KCNC3: variants seen among roughly 807,000 people sequenced by gnomAD.
The protein encoded by KCNC3 is potassium voltage-gated channel subfamily C member 3, also known as voltage-gated potassium channel KCNC3.
In KCNC3, 22 loss-of-function variants were observed where a neutral mutation model predicts 43.9. The observed-to-expected ratio is 0.50, with a 90% CI of 0.36 to 0.72. KCNC3 has a LOEUF of 0.72. KCNC3 is among the 30% of genes least tolerant of loss of function. The probability of loss-of-function intolerance (pLI) is 0.00; values close to 1 mark genes in which losing one functional copy is unlikely to be tolerated. For synonymous variants in KCNC3, 492 were observed against 488.0 expected, an observed-to-expected ratio of 1.01 and a Z score of -0.11; for missense variants, 829 against 1,073.8, an observed-to-expected ratio of 0.77 and a Z score of 3.19.
At chr19:50,327,789 G>A (rs903088607) in intron 1 of KCNC3, among the ~76,000 whole-genome samples, 2 of 151,972 alleles carry the variant, frequency 1.3e-5, no homozygotes, top group African/African-American at 4.8e-5. Flanking sequence ...AAGAAACCAA[G>A]GGCTGGACGG....
chr19:50,332,277 T>A (rs2037197638), upstream of KCNC3, among the ~76,000 whole-genome samples: 1 of 152,172 alleles, frequency 6.6e-6, no homozygotes. This position sits in a 1 kb window ranked among gnomAD's most constrained non-coding sequence, Gnocchi z 5.8. Flanking sequence ...CCCTCAACCC[T>A]GCTTTTCCCT....
intron 1 of KCNC3, among the ~76,000 whole-genome samples, chr19:50,326,108 T>C (rs55923762): frequency 0.42 from 64,348 of 151,960 alleles, 15,878 homozygotes; most frequent in Non-Finnish European, 0.57. Flanking sequence ...CCCTCCACTT[T>C]GCTTTGGCCT....
chr19:50,329,833 C>T (rs566468611), upstream of KCNC3: 1 of 152,254 alleles, frequency 6.6e-6, no homozygotes, highest in Admixed American at 6.5e-5. Context: ...TCCTGGAAAC[C>T]CGAGAGGGTC....
Position 50,323,287 on chromosome 19 carries a change from G to A in KCNC3, c.1666C>T (p.Pro556Ser). ...YSLAMAKQKLPKKKNKHIPRP... is the reference protein window; with the variant it reads ...YSLAMAKQKLSKKKNKHIPRP... The stretch of plus-strand genomic sequence containing the variant: ...GGGATGTGTTTGTTCTTCTTCTTGG[G>A]CAGCTTCTGCTTGGCCATGGCCAGC... Residue 556 changes from proline (P) to serine (S), a missense_variant, in exon 2 of 5, where the codon CCC (proline) becomes TCC (serine). Around this residue, in one of 7 missense-constraint regions of KCNC3, gnomAD observed 308 missense variants for 276.2 expected, o/e 1.11. Coordinates refer to ENST00000477616, the MANE Select transcript of KCNC3 (RefSeq NM_004977.3). The A allele has an allele frequency of 6.2e-7, 1 of 1,609,650 alleles. No individual in the cohort carries two copies. The highest frequency in any genetic ancestry group is 8.5e-7 in the Non-Finnish European group (1 of 1,179,988).
intron 2 of KCNC3, among the ~76,000 whole-genome samples, chr19:50,321,470 A>C (rs2037032988): frequency 1.3e-5 from 2 of 151,946 alleles, no homozygotes; most frequent in African/African-American, 4.8e-5. Flanking sequence ...GTCTCCAAAA[A>C]AGATAAAAGA....
In KCNC3 at chr19:50,315,178, A is replaced by AAGGACG. The variant is rs984705178; in HGVS notation, c.*931_*936dup. On this transcript the variant is annotated 3_prime_UTR_variant, in exon 5 of 5. Coordinates refer to ENST00000477616, the MANE Select transcript of KCNC3 (RefSeq NM_004977.3). ...CAGAGTCAGGCAGACAGAGACACAA[A>AAGGACG]AGGACGGATGACAAGAGACAGATGG... Among the ~76,000 whole-genome samples, 1 of 152,022 alleles carries AAGGACG rather than the reference A, an allele frequency of 6.6e-6. No homozygotes were observed. The highest frequency in any genetic ancestry group is 6.5e-5 in the Admixed American group (1 of 15,274).
In KCNC3 at chr19:50,323,241, G is replaced by A. The variant is rs759607995; in HGVS notation, c.1712C>T (p.Ser571Leu). 9 of 1,592,384 alleles carry A rather than the reference G, an allele frequency of 5.7e-6. No homozygotes were observed. Among genetic ancestry groups the A allele is most frequent in the South Asian group, 2.2e-5 (2 of 89,968 alleles). Residue 571 changes from serine (S) to leucine (L), a missense_variant, in exon 2 of 5, where the codon TCG becomes TTG. Transcript: ENST00000477616. ...KHIPRPPQPGSPNYCKPDPPP... is the reference protein window; with the variant it reads ...KHIPRPPQPGLPNYCKPDPPP... ...TGGGTCAGGCTTGCAGTAGTTGGGC[G>A]AGCCCGGTTGCGGGGGCCGGGGGAT...
In KCNC3 at chr19:50,312,293, C is replaced by T. The variant is rs1042150123; in HGVS notation, c.*3822G>A. 9.8e-6 allele frequency: 1 copy of T among 101,760 alleles called. No individual in the cohort carries two copies. The highest frequency in any genetic ancestry group is 2.3e-5 in the Non-Finnish European group (1 of 44,428). The allele number at this position is 101,760 out of a possible 1,614,324, so 6.3% of individuals were successfully genotyped here. A position where few individuals can be genotyped will look rare whatever the true frequency, so the allele number is the denominator to read the frequency against. On this transcript the variant is annotated 3_prime_UTR_variant, in exon 5 of 5. Transcript: ENST00000477616. The stretch of plus-strand genomic sequence containing the variant: ...CCCGCCCACATTTGAGTGAGAGAAA[C>T]TTATTGCTCTGTGTGTGTGTGTGTG...
In KCNC3 at chr19:50,328,323, C is replaced by A; in HGVS notation, c.760G>T (p.Ala254Ser). The part of the protein sequence containing the change: ...RLCFQDAGGG[A>S]GGPPGGAGGA... ...CCCGCGCCCCCTGGCGGCCCCCCGGCGCCGCCGCCCGCGTCCTGGAAGCAG... is the reference window on the plus strand; with the variant it reads ...CCCGCGCCCCCTGGCGGCCCCCCGGAGCCGCCGCCCGCGTCCTGGAAGCAG... Residue 254 changes from alanine to serine, a missense_variant, in exon 1 of 5, where the codon GCC becomes TCC. By Grantham distance (99) the Ala-to-Ser change is moderately conservative. Coordinates refer to ENST00000477616, the MANE Select transcript of KCNC3 (RefSeq NM_004977.3). The A allele has an allele frequency of 8.8e-7, 1 of 1,132,108 alleles. No individual in the cohort carries two copies. The highest frequency in any genetic ancestry group is 1.1e-6 in the Non-Finnish European group (1 of 927,410). The allele number at this position is 1,132,108 out of a possible 1,614,324, so 70.1% of individuals were successfully genotyped here.
At chr19:50,321,356 T>C (rs879316003) in intron 2 of KCNC3, among the ~76,000 whole-genome samples, 3 of 152,158 alleles carry the variant, frequency 2.0e-5, no homozygotes, top group Non-Finnish European at 4.4e-5. Flanking sequence ...TAGTCCCAGC[T>C]ACTCTGCAGG....
At chr19:50,332,466 A>G (rs2037199305), upstream of KCNC3, among the ~76,000 whole-genome samples, 1 of 152,148 alleles carries the variant, frequency 6.6e-6, no homozygotes, top group African/African-American at 2.4e-5. This position sits in a 1 kb window ranked among gnomAD's most constrained non-coding sequence, Gnocchi z 5.8. Flanking sequence ...GGCCGGGAGT[A>G]GCAGGCTGGT....
upstream of KCNC3, among the ~76,000 whole-genome samples, chr19:50,331,383 C>T (rs1236629871): frequency 1.3e-5 from 2 of 151,082 alleles, no homozygotes; most frequent in Non-Finnish European, 2.9e-5. Flanking sequence ...GTGTCCCTGT[C>T]CTCTACTCCC....
chr19:50,322,703 CCT>C lies in KCNC3; in HGVS notation c.1978+270_1978+271del, dbSNP rs544982673. On this transcript the variant is annotated intron_variant, in intron 2 of 4. Transcript: ENST00000477616. ...TCTGAGCCCCACGCTCCTCCGGGTC[CCT>C]CTCTCTGCACAGCTGATGACACTGC... is the stretch of plus-strand genomic sequence containing the variant. Among the ~76,000 whole-genome samples the C allele has an allele frequency of 9.9e-5, 15 of 152,230 alleles. No homozygotes were observed. In the East Asian group the frequency reaches 2.5e-3, roughly 25 times the overall value.
chr19:50,316,669 G>A (rs1310513237), intron 4 of KCNC3, among the ~76,000 whole-genome samples: 3 of 152,160 alleles, frequency 2.0e-5, no homozygotes, highest in Non-Finnish European at 4.4e-5. Flanking sequence ...CTGGGAGGCA[G>A]AGGCTGCAGT....
At chr19:50,330,926 G>A (rs1024696047), upstream of KCNC3, among the ~76,000 whole-genome samples, 9 of 151,958 alleles carry the variant, frequency 5.9e-5, no homozygotes, top group Non-Finnish European at 1.2e-4. Context: ...TGCGGAGGGA[G>A]GAGGCGGCGC....
Position 50,323,231 on chromosome 19 carries a change from G to A in KCNC3, c.1722C>T (p.Tyr574=). 1 of 1,575,418 alleles carries A rather than the reference G, an allele frequency of 6.3e-7. No individual in the cohort carries two copies. Among genetic ancestry groups the A allele is most frequent in the Non-Finnish European group, 8.6e-7 (1 of 1,167,768 alleles). The part of the protein sequence containing the change: ...PRPPQPGSPN[Y]CKPDPPPPPP... ...GTGGCGGGGGTGGGTCAGGCTTGCA[G>A]TAGTTGGGCGAGCCCGGTTGCGGGG... Residue 574 remains tyrosine, a synonymous_variant, in exon 2 of 5, where the codon TAC becomes TAT. Transcript: ENST00000477616.
chr19:50,328,644 C>T lies in KCNC3; in HGVS notation c.439G>A (p.Val147Met). Residue 147 changes from valine to methionine, a missense_variant, in exon 1 of 5, where the codon GTG becomes ATG. Physicochemically the swap from Val to Met is conservative, Grantham distance 21. Transcript: ENST00000477616. ...FDRHPGVFAY[V>M]LNYYRTGKLH... Reference sequence around the variant, plus strand: ...TTGCCGGTGCGGTAGTAGTTGAGCACGTACGCGAAGACTCCCGGGTGCCGG... The same window carrying T: ...TTGCCGGTGCGGTAGTAGTTGAGCATGTACGCGAAGACTCCCGGGTGCCGG... 1 of 1,611,530 alleles carries T rather than the reference C, an allele frequency of 6.2e-7. No homozygotes were observed. Among genetic ancestry groups the T allele is most frequent in the Non-Finnish European group, 8.5e-7 (1 of 1,179,388 alleles).
At chr19:50,326,502 GA>G (rs983842310) in intron 1 of KCNC3, among the ~76,000 whole-genome samples, 26 of 152,082 alleles carry the variant, frequency 1.7e-4, no homozygotes, top group African/African-American at 6.3e-4. Flanking sequence ...CCCCCGGCGC[GA>G]ATGCGGCACT....
rs905463684 is a variant in KCNC3, at chr19:50,315,087, CAGAG to C, written c.*1024_*1027del. ...GAGACCCAAGGCAGGGAGAAAGAGA[CAGAG>C]AGAGAAAGAAATGGAAGGGGAGGAC... On this transcript the variant is annotated 3_prime_UTR_variant, in exon 5 of 5. Coordinates refer to ENST00000477616, the MANE Select transcript of KCNC3 (RefSeq NM_004977.3). 29 of 187,346 alleles carry C rather than the reference CAGAG, an allele frequency of 1.5e-4. 2 individuals are homozygous for C. The highest frequency in any genetic ancestry group is 6.2e-4 in the African/African-American group (24 of 38,812). The allele number at this position is 187,346 out of a possible 1,614,324, so 11.6% of individuals were successfully genotyped here. A position where few individuals can be genotyped will look rare whatever the true frequency, so the allele number is the denominator to read the frequency against.
Sources: allele counts gnomAD v4.1 joint callset (sites outside exome capture counted in the v4.1 genomes callset), GRCh38; gene constraint gnomAD v4.1.1; regional missense constraint gnomAD v4.1.1; non-coding constraint Gnocchi (gnomAD v3.1); transcripts MANE v1.5; gene names NCBI Gene and HGNC (gene_info 2026-07-23, HGNC 2026-07-21).